The following CACNA2D3 variants were observed in gnomAD, a reference collection of about 807,000 sequenced individuals.
CACNA2D3 encodes voltage-dependent calcium channel subunit alpha-2/delta-3.
A neutral mutation model predicts 160.6 loss-of-function variants in CACNA2D3; 60 were observed. The ratio of observed to expected loss-of-function variants is 0.37; its 90% CI spans 0.30 to 0.46. The LOEUF (loss-of-function observed/expected upper bound fraction) is 0.46. Among genes scored for constraint, CACNA2D3 ranks in the 20% least tolerant of loss-of-function variants. CACNA2D3 has a pLI of 1.00. For synonymous variants in CACNA2D3, 558 were observed against 492.9 expected, an observed-to-expected ratio of 1.13 and a Z score of -1.75; for missense variants, 1,205 against 1,365.0, an observed-to-expected ratio of 0.88 and a Z score of 1.85.
chr3:54,830,399 C>G (rs1703848258), intron 14 of CACNA2D3, among the ~76,000 whole-genome samples: 1 of 151,372 alleles, frequency 6.6e-6, no homozygotes, highest in Non-Finnish European at 1.5e-5. Context: ...AACCGCCGGT[C>G]TTTGCTTCAG....
chr3:54,631,615 G>T (rs998028807), intron 10 of CACNA2D3, among the ~76,000 whole-genome samples: 7 of 152,202 alleles, frequency 4.6e-5, no homozygotes, highest in African/African-American at 1.4e-4. Flanking sequence ...TACTATAATT[G>T]AATGGAGTTT....
At chr3:54,296,481 T>A (rs77811225) in intron 2 of CACNA2D3, among the ~76,000 whole-genome samples, 3,460 of 152,280 alleles carry the variant, frequency 0.023, 124 homozygotes, top group African/African-American at 0.077. Context: ...GTTCTGCATT[T>A]CCCAGGATAA....
intron 11 of CACNA2D3, among the ~76,000 whole-genome samples, chr3:54,744,571 A>G (rs1228202936): frequency 2.0e-5 from 3 of 152,230 alleles, no homozygotes; most frequent in Non-Finnish European, 4.4e-5. Flanking sequence ...GTTCCTGATT[A>G]TGTTAGAAAC....
intron 4 of CACNA2D3, among the ~76,000 whole-genome samples, chr3:54,492,728 T>G (rs1284263969): frequency 6.6e-6 from 1 of 152,224 alleles, no homozygotes; most frequent in Non-Finnish European, 1.5e-5. Context: ...AGTCCTTCAA[T>G]GAATAAACCT....
intron 13 of CACNA2D3, among the ~76,000 whole-genome samples, chr3:54,795,265 G>T (rs183682514): frequency 6.0e-4 from 91 of 151,592 alleles, no homozygotes; most frequent in African/African-American, 2.1e-3. Flanking sequence ...TTTTTGATTT[G>T]GCTTTTAATT....
At chr3:54,765,864 G>A (rs1270285055) in intron 13 of CACNA2D3, among the ~76,000 whole-genome samples, 3 of 152,166 alleles carry the variant, frequency 2.0e-5, no homozygotes, top group Non-Finnish European at 4.4e-5. Context: ...GATCAGTGGG[G>A]CTAAGATGGG....
At chr3:54,798,631 T>G (rs1220968096) in intron 13 of CACNA2D3, among the ~76,000 whole-genome samples, 1 of 152,256 alleles carries the variant, frequency 6.6e-6, no homozygotes, top group East Asian at 1.9e-4. Context: ...ACGTAATTGG[T>G]AAATAGAGAA....
intron 11 of CACNA2D3, among the ~76,000 whole-genome samples, chr3:54,678,720 CAAAAAAAAAAAA>C (rs71096434): frequency 8.1e-4 from 37 of 45,920 alleles, no homozygotes; most frequent in African/African-American, 2.6e-3. Flanking sequence ...GACTCGGTCT[CAAAAAAAAAAAA>C]AAAAAAAAAA....
chr3:54,143,873 A>G (rs1349870148), intron 2 of CACNA2D3, among the ~76,000 whole-genome samples: 2 of 152,186 alleles, frequency 1.3e-5, no homozygotes, highest in East Asian at 1.9e-4. Flanking sequence ...GTGTATATGT[A>G]TATGTACTTT....
chr3:54,696,514 T>C (rs1056340558), intron 11 of CACNA2D3, among the ~76,000 whole-genome samples: 4 of 152,324 alleles, frequency 2.6e-5, no homozygotes, highest in South Asian at 2.1e-4. Flanking sequence ...GGGTTTTTTT[T>C]CTCTTGTTCA....
rs552965543 is a variant in CACNA2D3 at position 54,603,943 on chromosome 3, C to T, written c.963+22066C>T. Among the ~76,000 whole-genome samples, 7 of 152,234 alleles carry T rather than the reference C, an allele frequency of 4.6e-5. No homozygotes were observed. The East Asian group carries it at 1.3e-3, about 29-fold the overall frequency. ...TAAGAGTAAATTGGGATAGCCCTTA[C>T]AGACCCTGAAATATCCTACTGTATT... On this transcript the variant is annotated intron_variant, in intron 9 of 37. Coordinates refer to ENST00000474759, the MANE Select transcript of CACNA2D3 (RefSeq NM_018398.3).
intron 35 of CACNA2D3, among the ~76,000 whole-genome samples, chr3:55,047,920 A>G (rs1704097966): frequency 2.1e-5 from 3 of 141,582 alleles, no homozygotes; most frequent in Admixed American, 2.1e-4. Flanking sequence ...TTGGTGTATA[A>G]GAATCCTTGT....
intron 17 of CACNA2D3, among the ~76,000 whole-genome samples, chr3:54,850,597 A>T (rs1406507253): frequency 6.6e-6 from 1 of 152,208 alleles, no homozygotes; most frequent in African/African-American, 2.4e-5. Flanking sequence ...TTTAGAATAA[A>T]GGGACAGCTA....
chr3:54,736,107 A>G (rs1270319900), intron 11 of CACNA2D3, among the ~76,000 whole-genome samples: 1 of 21,318 alleles, frequency 4.7e-5, no homozygotes, highest in East Asian at 7.0e-4. Context: ...ATACATATAT[A>G]TGTATATATA....
chr3:55,007,236 CAT>C (rs552730375), intron 32 of CACNA2D3, among the ~76,000 whole-genome samples: 153 of 152,214 alleles, frequency 1.0e-3, no homozygotes, highest in African/African-American at 3.2e-3. Context: ...GATAAAATCA[CAT>C]GTTTATATGG....
intron 2 of CACNA2D3, among the ~76,000 whole-genome samples, chr3:54,226,924 A>G (rs1309583664): frequency 6.6e-6 from 1 of 152,194 alleles, no homozygotes; most frequent in Non-Finnish European, 1.5e-5. Flanking sequence ...AATTGTTCTC[A>G]GTAGGAGTGT....
intron 2 of CACNA2D3, among the ~76,000 whole-genome samples, chr3:54,234,174 C>T (rs780047731): frequency 9.9e-5 from 15 of 152,080 alleles, no homozygotes; most frequent in Non-Finnish European, 2.1e-4. Flanking sequence ...AAAAAAACTC[C>T]ATTAAAAAGT....
At chr3:54,279,277 A>T (rs1371443811) in intron 2 of CACNA2D3, among the ~76,000 whole-genome samples, 1 of 152,166 alleles carries the variant, frequency 6.6e-6, no homozygotes, top group Admixed American at 6.5e-5. Context: ...ATTACGAGTG[A>T]TTTCAGTGAC....
intron 11 of CACNA2D3, among the ~76,000 whole-genome samples, chr3:54,663,301 G>A (rs1427829741): frequency 6.6e-6 from 1 of 152,176 alleles, no homozygotes; most frequent in Non-Finnish European, 1.5e-5. Context: ...CAGAGAGGGG[G>A]TTTGGCTTGT....
Sources: allele counts gnomAD v4.1 joint callset (sites outside exome capture counted in the v4.1 genomes callset), GRCh38; gene constraint gnomAD v4.1.1; transcripts MANE v1.5; gene names NCBI Gene and HGNC (gene_info 2026-07-23, HGNC 2026-07-21).